Variants in FBXW7 observed in about 807,000 individuals in gnomAD.
FBXW7 encodes the protein F-box and WD repeat domain containing 7.
A neutral mutation model predicts 86.3 loss-of-function variants in FBXW7; 11 were observed. The observed-to-expected ratio is 0.13, with a 90% CI of 0.08 to 0.21. The LOEUF is 0.21. Ranked by LOEUF, FBXW7 falls within the 10% of genes least tolerant of loss-of-function variation. The pLI, the probability that FBXW7 is intolerant of heterozygous loss-of-function variation, is 1.00. For missense variants in FBXW7, 488 were observed against 847.4 expected, an observed-to-expected ratio of 0.58 and a Z score of 5.27; for synonymous variants, 313 against 297.9, an observed-to-expected ratio of 1.05 and a Z score of -0.52.
At chr4:152,413,292 G>A (rs910881394) in intron 2 of FBXW7, among the ~76,000 whole-genome samples, 10 of 151,746 alleles carry the variant, frequency 6.6e-5, no homozygotes, top group African/African-American at 1.9e-4. Context: ...TTATTTTATC[G>A]GTAACTGATG....
chr4:152,382,180 G>A, intron 4 of FBXW7: 1 of 1,540,812 alleles, frequency 6.5e-7, no homozygotes, highest in Non-Finnish European at 8.8e-7. Context: ...TCAAATGTGT[G>A]AGACTTACCC....
chr4:152,339,521 C>T (rs1419291218), intron 6 of FBXW7, among the ~76,000 whole-genome samples: 2 of 152,138 alleles, frequency 1.3e-5, no homozygotes, highest in Admixed American at 6.6e-5. Flanking sequence ...GATTCACATC[C>T]CTCACAGGAT....
At chr4:152,437,021 C>T (rs974194840) in intron 2 of FBXW7, among the ~76,000 whole-genome samples, 2 of 152,210 alleles carry the variant, frequency 1.3e-5, no homozygotes, top group East Asian at 3.8e-4. Flanking sequence ...GTCATTTCTA[C>T]TTTCCAGTCT....
intron 2 of FBXW7, among the ~76,000 whole-genome samples, chr4:152,482,703 A>G (rs1458200535): frequency 6.6e-6 from 1 of 152,082 alleles, no homozygotes. Context: ...GGGGGGAGAG[A>G]TATTTCTTTA....
At chr4:152,330,646 A>G (rs1729478132) in intron 9 of FBXW7, 86 bp downstream of exon 9, 1 of 1,199,906 alleles carries the variant, frequency 8.3e-7, no homozygotes, top group Non-Finnish European at 1.1e-6. Flanking sequence ...GAGGAGTGTC[A>G]TATTATACAG....
rs1332089262 is a variant in FBXW7, at chr4:152,535,738, TTC to T, written c.-826_-825del. On this transcript the variant is annotated 5_prime_UTR_variant, in exon 1 of 14. Coordinates refer to ENST00000281708, the MANE Select transcript of FBXW7 (RefSeq NM_001349798.2). ...CAGAAGCTCTGGCGCCTCCTCAGCG[TTC>T]TCTCACCGCGGAGCAGCTACCCACT... The T allele has an allele frequency of 5.1e-6, 2 of 393,050 alleles. No individual in the cohort carries two copies. Among genetic ancestry groups the T allele is most frequent in the Non-Finnish European group, 9.0e-6 (2 of 222,504 alleles). 24.3% of individuals were successfully genotyped at this position (393,050 alleles called of 1,614,324 possible).
intron 4 of FBXW7, chr4:152,382,627 A>C: frequency 2.9e-6 from 1 of 342,754 alleles, no homozygotes; most frequent in Non-Finnish European, 4.4e-6. Flanking sequence ...CAAAGTCAGT[A>C]ATGTGAACAC....
chr4:152,453,811 AT>A (rs971694971), intron 2 of FBXW7, among the ~76,000 whole-genome samples: 3 of 152,198 alleles, frequency 2.0e-5, no homozygotes, highest in African/African-American at 7.2e-5. Flanking sequence ...ATTTTTTAGA[AT>A]TTTTTTGAAT....
intron 4 of FBXW7, among the ~76,000 whole-genome samples, chr4:152,408,522 G>C (rs1737636291): frequency 6.6e-6 from 1 of 152,092 alleles, no homozygotes; most frequent in Non-Finnish European, 1.5e-5. Flanking sequence ...AGCGTCATTT[G>C]TTCCTGATTA....
chr4:152,373,644 T>G (rs1019095477), intron 4 of FBXW7, among the ~76,000 whole-genome samples: 1 of 152,046 alleles, frequency 6.6e-6, no homozygotes, highest in Non-Finnish European at 1.5e-5. Flanking sequence ...TTAGCAAACA[T>G]CTTCATGTTT....
In FBXW7 at chr4:152,502,023, A is replaced by AAT. The variant is rs1264421144; in HGVS notation, c.-120+32917_-120+32918insAT. The stretch of plus-strand genomic sequence containing the variant: ...TGCTTGATTCAGAAGTCCCCTTGGT[A>AAT]CTGTTCCTATGACATCAGCCTGATC... On this transcript the variant is annotated intron_variant, in intron 2 of 13. Transcript: ENST00000281708. Among the ~76,000 whole-genome samples, 4 of 152,290 alleles carry AAT rather than the reference A, an allele frequency of 2.6e-5. No homozygotes were observed. In the East Asian group the frequency reaches 7.7e-4, roughly 29 times the overall value.
At position 152,328,304 on chromosome 4, in the gene FBXW7, C is replaced by T. The variant is rs2126514699; in HGVS notation, c.1322G>A (p.Arg441Gln). 6.3e-7 allele frequency: 1 copy of T among 1,598,390 alleles called. No individual in the cohort carries two copies. ...DNIIISGSTD[R>Q]TLKVWNAETG... ...CTCTGCATTCCACACTTTGAGTGTC[C>T]GATCTGTAGATCCACTAATGATGAT... Residue 441 changes from arginine (R) to glutamine (Q), a missense_variant, in exon 11 of 14, where the codon CGG becomes CAG. By Grantham distance (43) the Arg-to-Gln change is conservative. Around this residue, in one of 4 missense-constraint regions of FBXW7, gnomAD observed 142 missense variants for 406.6 expected, o/e 0.35. Coordinates refer to ENST00000281708, the MANE Select transcript of FBXW7 (RefSeq NM_001349798.2).
intron 4 of FBXW7, among the ~76,000 whole-genome samples, chr4:152,360,309 C>A (rs1193186167): frequency 4.6e-5 from 7 of 152,120 alleles, no homozygotes; most frequent in African/African-American, 1.4e-4. Context: ...TTTGAACAGG[C>A]ATTCACACTA....
intron 2 of FBXW7, among the ~76,000 whole-genome samples, chr4:152,415,840 T>C (rs909549185): frequency 7.2e-5 from 11 of 152,130 alleles, no homozygotes. Context: ...TTCCTCTTTT[T>C]ATTTCTTTTA....
At chr4:152,359,881 G>T (rs1209794141) in intron 4 of FBXW7, among the ~76,000 whole-genome samples, 1 of 152,154 alleles carries the variant, frequency 6.6e-6, no homozygotes, top group Non-Finnish European at 1.5e-5. Flanking sequence ...TTAATAGTCT[G>T]GGAGTTCATA....
intron 2 of FBXW7, among the ~76,000 whole-genome samples, chr4:152,417,299 C>T (rs974477081): frequency 2.6e-5 from 4 of 152,098 alleles, no homozygotes; most frequent in Non-Finnish European, 5.9e-5. Flanking sequence ...CTTAGAGCCT[C>T]CTATTATTTT....
At chr4:152,400,187 A>G (rs1432963322) in intron 4 of FBXW7, among the ~76,000 whole-genome samples, 1 of 152,228 alleles carries the variant, frequency 6.6e-6, no homozygotes, top group Admixed American at 6.5e-5. Context: ...CAATGTAGAA[A>G]AGCTAGTCTT....
intron 4 of FBXW7, among the ~76,000 whole-genome samples, chr4:152,368,293 G>A (rs1203915463): frequency 6.6e-6 from 1 of 152,098 alleles, no homozygotes; most frequent in Non-Finnish European, 1.5e-5. Flanking sequence ...CAGCAGAATA[G>A]GACTTCCCTT....
chr4:152,346,422 TA>T, intron 6 of FBXW7, among the ~76,000 whole-genome samples: 1 of 151,930 alleles, frequency 6.6e-6, no homozygotes, highest in Admixed American at 6.6e-5. Context: ...TAAAAAGCAA[TA>T]AAAAAAATGT....
Sources: gnomAD v4.1 joint callset for allele counts (sites outside exome capture counted in the v4.1 genomes callset) on GRCh38, gnomAD v4.1.1 for gene constraint, gnomAD v4.1.1 regional missense constraint, MANE v1.5 for transcripts, NCBI Gene and HGNC (gene_info 2026-07-23, HGNC 2026-07-21) for gene names.